The following PHLDB3 variants were observed in gnomAD, a reference collection of about 807,000 sequenced individuals.
PHLDB3 encodes pleckstrin homology-like domain family B member 3.
In PHLDB3, 86 loss-of-function variants were observed where a neutral mutation model predicts 85.7. The ratio of observed to expected loss-of-function variants is 1.00; its 90% confidence interval spans 0.84 to 1.20. The LOEUF (loss-of-function observed/expected upper bound fraction) is 1.20, where lower values mean the gene tolerates loss of function less well. Among genes scored for constraint, PHLDB3 ranks in the 50% most tolerant of loss-of-function variants. PHLDB3 has a pLI of 0.00. For missense variants in PHLDB3, 995 were observed against 873.0 expected (o/e 1.14, Z -1.76); for synonymous variants, 376 against 349.8 (o/e 1.07, Z -0.83).
intron 5 of PHLDB3, 101 bp from the exon 6 acceptor site, chr19:43,497,380 G>A: frequency 9.8e-7 from 1 of 1,017,834 alleles, no homozygotes; most frequent in Non-Finnish European, 1.3e-6. Flanking sequence ...GAAGGTGACT[G>A]AGGACTTGGA....
chr19:43,479,264 G>T, intron 14 of PHLDB3, 113 bp downstream of exon 14: 1 of 1,137,736 alleles, frequency 8.8e-7, no homozygotes, highest in Non-Finnish European at 1.3e-6. Context: ...CCAAACTTCT[G>T]GATCCTGGGG....
intron 6 of PHLDB3, 42 bp downstream of exon 6, chr19:43,497,076 G>A (rs1395191392): frequency 2.1e-6 from 3 of 1,400,290 alleles, no homozygotes; most frequent in Admixed American, 5.3e-5. Flanking sequence ...GGGAGACAGA[G>A]AGGAGCAGCA....
At chr19:43,500,323 A>G (rs1971557522) in intron 4 of PHLDB3, among the ~76,000 whole-genome samples, 1 of 152,142 alleles carries the variant, frequency 6.6e-6, no homozygotes, top group Non-Finnish European at 1.5e-5. Context: ...GAAGCACTAA[A>G]GCACTTCTGA....
At chr19:43,478,850 G>C (rs545360237) in intron 14 of PHLDB3, among the ~76,000 whole-genome samples, 2 of 152,288 alleles carry the variant, frequency 1.3e-5, no homozygotes, top group African/African-American at 2.4e-5. Flanking sequence ...GGGAGGTGGA[G>C]GTTGCAGTGG....
chr19:43,484,555 C>CA lies in PHLDB3; in HGVS notation c.1485+1710dup, dbSNP rs762086867. Among the ~76,000 whole-genome samples the CA allele has an allele frequency of 5.9e-5, 9 of 151,310 alleles. 1 individual carries two copies. In the South Asian group the frequency reaches 8.3e-4, roughly 14 times the overall value. ...AAACCCCATCGCTACTAAAAACAAA[C>CA]AAAAAAAATAAATGGGTGTGGTGGT... On this transcript the variant is annotated intron_variant, in intron 13 of 15. Transcript: ENST00000292140.
intron 4 of PHLDB3, among the ~76,000 whole-genome samples, chr19:43,499,639 G>GA (rs1386131453): frequency 6.6e-6 from 1 of 152,056 alleles, no homozygotes; most frequent in Non-Finnish European, 1.5e-5. Flanking sequence ...CACTTGCAAA[G>GA]AAAAAAACTG....
At chr19:43,502,052 G>A (rs749663421) in intron 3 of PHLDB3, 49 bp downstream of exon 3, 40 of 1,536,500 alleles carry the variant, frequency 2.6e-5, no homozygotes, top group Non-Finnish European at 3.4e-5. Context: ...CGGCTTTGCG[G>A]GTTCCGCTTG....
chr19:43,477,886 G>A (rs1440605791), intron 15 of PHLDB3, among the ~76,000 whole-genome samples, 161 bp downstream of exon 15: 1 of 152,086 alleles, frequency 6.6e-6, no homozygotes, highest in African/African-American at 2.4e-5. Flanking sequence ...CCTGCAGTCA[G>A]GTGACCTGTT....
In PHLDB3 at chr19:43,487,066, TC is replaced by T. The variant is rs766201872; in HGVS notation, c.1206del (p.Ser403AlafsTer38). Reference sequence around the variant, plus strand: ...AGAGGTCGGGGGGATCCTCTCTGGCTCCCCCTCTCCCCCCTTTTCCGGGGCA... The same window carrying T: ...AGAGGTCGGGGGGATCCTCTCTGGCTCCCCTCTCCCCCCTTTTCCGGGGCA... ...GSLPRKRGERGSQRGSPRPLS... is the reference protein window; with the variant it reads ...GSLPRKRGERXSQRGSPRPLS... On this transcript the variant is annotated frameshift_variant, in exon 10 of 16. Transcript: ENST00000292140. LOFTEE classifies it high-confidence loss of function. 2.5e-6 allele frequency: 4 copies of T among 1,577,458 alleles called. No homozygotes were observed. Among genetic ancestry groups the T allele is most frequent in the Middle Eastern group, 3.3e-4 (2 of 6,018 alleles).
chr19:43,477,078 T>G (rs984395264), intron 15 of PHLDB3, among the ~76,000 whole-genome samples: 3 of 152,186 alleles, frequency 2.0e-5, no homozygotes, highest in African/African-American at 7.2e-5. Flanking sequence ...ATGTTGGGAT[T>G]ATAGGCATGA....
chr19:43,477,913 A>G, intron 15 of PHLDB3, 134 bp downstream of exon 15: 2 of 564,208 alleles, frequency 3.5e-6, no homozygotes, highest in Admixed American at 3.3e-5. Context: ...CTCTGCGACA[A>G]ACACGTACTC....
chr19:43,501,733 C>CA lies in PHLDB3; in HGVS notation c.534_534+1insT (p.Glu179Ter). On this transcript the variant is annotated frameshift_variant and splice_region_variant. Transcript: ENST00000292140. LOFTEE classifies it high-confidence loss of function. ...ATGAAGACCCGGTGAGCCAAACAGA[C>CA]CTGTTCCCGCTGCTGGCGGCCGCGC... 1 of 1,583,374 alleles carries CA rather than the reference C, an allele frequency of 6.3e-7. No homozygotes were observed. Among genetic ancestry groups the CA allele is most frequent in the African/African-American group, 1.3e-5 (1 of 74,496 alleles).
intron 14 of PHLDB3, 69 bp downstream of exon 14, chr19:43,479,308 C>T (rs1215903670): frequency 2.0e-6 from 3 of 1,471,558 alleles, no homozygotes; most frequent in South Asian, 2.4e-5. Context: ...CTTCTGGTGC[C>T]TGTAGAGGAA....
chr19:43,486,202 G>A, intron 13 of PHLDB3, 64 bp downstream of exon 13: 2 of 1,530,130 alleles, frequency 1.3e-6, no homozygotes, highest in Non-Finnish European at 1.8e-6. Context: ...TGTAAGAAAG[G>A]GCATAGGTCA....
chr19:43,497,246 A>G lies in PHLDB3; in HGVS notation c.697T>C (p.Tyr233His). The change falls in exon 6 of 16, where the codon TAT becomes CAT. Residue 233 changes from tyrosine (Y) to histidine (H), a missense_variant. By Grantham distance (83) the Tyr-to-His change is moderately conservative. Transcript: ENST00000292140. ...REQLDVAQRA[Y>H]EDLEFQQLER... is the part of the protein sequence containing the mutation. ...AGTTGCTGGAACTCCAGGTCCTCAT[A>G]GGCACGTTGGGCCACATCCAGTTGT... 1.3e-6 allele frequency: 2 copies of G among 1,509,012 alleles called. No individual in the cohort carries two copies. Among genetic ancestry groups the G allele is most frequent in the Non-Finnish European group, 1.8e-6 (2 of 1,130,994 alleles). The allele number at this position is 1,509,012 out of a possible 1,614,324, so 93.5% of individuals were successfully genotyped here.
chr19:43,484,115 G>T (rs1230752032), intron 13 of PHLDB3, among the ~76,000 whole-genome samples: 2 of 151,938 alleles, frequency 1.3e-5, no homozygotes, highest in African/African-American at 4.8e-5. Context: ...GCCAGGCATG[G>T]TGGTGGGCGC....
chr19:43,483,377 G>A (rs1353431674), intron 13 of PHLDB3, among the ~76,000 whole-genome samples: 4 of 151,902 alleles, frequency 2.6e-5, no homozygotes, highest in African/African-American at 7.3e-5. Flanking sequence ...CTGGGCTCAA[G>A]CAATCCTCCC....
At chr19:43,498,678 A>T (rs1444416512) in intron 4 of PHLDB3, among the ~76,000 whole-genome samples, 1 of 152,142 alleles carries the variant, frequency 6.6e-6, no homozygotes, top group East Asian at 1.9e-4. Flanking sequence ...AATGAAGAAC[A>T]ATGTCAGCCA....
chr19:43,496,873 GAA>G (rs35557273), intron 6 of PHLDB3: 5,313 of 444,852 alleles, frequency 0.012, 197 homozygotes, highest in African/African-American at 0.087. Context: ...TTTATAACGT[GAA>G]AAAAAAAAAA....
Sources: gnomAD v4.1 joint callset for allele counts (sites outside exome capture counted in the v4.1 genomes callset) on GRCh38, gnomAD v4.1.1 for gene constraint, MANE v1.5 for transcripts, NCBI Gene and HGNC (gene_info 2026-07-23, HGNC 2026-07-21) for gene names.